Variants in BABAM2 observed in about 807,000 individuals in gnomAD.
BABAM2 encodes BRISC and BRCA1 A complex member 2, also known as BRISC and BRCA1-A complex member 2.
BABAM2 carries 31 observed loss-of-function variants against 54.7 expected under a neutral mutation model. That is an observed-to-expected ratio of 0.57 (90% confidence interval 0.43 to 0.77). The LOEUF is 0.77. Among genes scored for constraint, BABAM2 ranks in the 30% least tolerant of loss-of-function variants. The pLI, the probability that BABAM2 is intolerant of heterozygous loss-of-function variation, is 0.00. For synonymous variants in BABAM2, 167 were observed against 162.9 expected, an observed-to-expected ratio of 1.03 and a Z score of -0.19; for missense variants, 364 against 455.8, an observed-to-expected ratio of 0.80 and a Z score of 1.83.
chr2:28,161,265 T>C (rs10173507), intron 7 of BABAM2, among the ~76,000 whole-genome samples: 72,025 of 151,864 alleles, frequency 0.47, 17,631 homozygotes, highest in Middle Eastern at 0.59. Flanking sequence ...TTTGAGTTGC[T>C]TGTACCAACG....
intron 10 of BABAM2, among the ~76,000 whole-genome samples, chr2:28,251,989 G>A (rs572011026): frequency 1.1e-4 from 17 of 152,104 alleles, no homozygotes; most frequent in African/African-American, 3.1e-4. Context: ...TCAGGAGTTC[G>A]AGATCAGCCG....
rs544963651 is a variant in BABAM2, at chr2:27,906,180, G to C, written c.128+11496G>C. 1.1e-4 allele frequency among the ~76,000 whole-genome samples: 17 copies of C among 152,212 alleles called. No individual in the cohort carries two copies. The East Asian group carries it at 2.5e-3, about 22-fold the overall frequency. On this transcript the variant is annotated intron_variant, in intron 2 of 11. Coordinates refer to ENST00000379624, the MANE Select transcript of BABAM2 (RefSeq NM_199191.3). ...GTGCAAGAAGTTTGGCTGGAACTTT[G>C]GGTGTTTATCTAGGTACCAGAACAT...
chr2:28,224,532 A>G (rs1243402986), intron 7 of BABAM2, among the ~76,000 whole-genome samples: 1 of 152,152 alleles, frequency 6.6e-6, no homozygotes, highest in Non-Finnish European at 1.5e-5. Context: ...GATGCTTCGT[A>G]CTTCAGTTTG....
At chr2:28,274,794 C>A (rs1359555344) in intron 10 of BABAM2, among the ~76,000 whole-genome samples, 1 of 152,204 alleles carries the variant, frequency 6.6e-6, no homozygotes, top group Non-Finnish European at 1.5e-5. Context: ...TACAGTGTCC[C>A]TTTTCATCGT....
At chr2:28,071,264 C>T (rs1031251436) in intron 6 of BABAM2, among the ~76,000 whole-genome samples, 1 of 151,998 alleles carries the variant, frequency 6.6e-6, no homozygotes, top group African/African-American at 2.4e-5. Context: ...TTTATAGATT[C>T]CTCCTCTATT....
chr2:28,257,388 A>G (rs539879212), intron 10 of BABAM2, among the ~76,000 whole-genome samples: 1 of 152,236 alleles, frequency 6.6e-6, no homozygotes, highest in African/African-American at 2.4e-5. Flanking sequence ...GTAGCCACCG[A>G]CCACTTTCTG....
chr2:28,063,393 A>G (rs914121899), intron 6 of BABAM2, among the ~76,000 whole-genome samples: 6 of 152,264 alleles, frequency 3.9e-5, no homozygotes, highest in African/African-American at 7.2e-5. Flanking sequence ...TTAACGCATT[A>G]TACTCAAAAT....
At chr2:28,206,876 A>T (rs1411970390) in intron 7 of BABAM2, among the ~76,000 whole-genome samples, 2 of 152,210 alleles carry the variant, frequency 1.3e-5, no homozygotes, top group Non-Finnish European at 2.9e-5. Flanking sequence ...CCATTACAAC[A>T]ACTACTCCCC....
At chr2:27,972,760 T>C (rs912110394) in intron 3 of BABAM2, among the ~76,000 whole-genome samples, 1 of 138,738 alleles carries the variant, frequency 7.2e-6, no homozygotes, top group Non-Finnish European at 1.5e-5. Flanking sequence ...TTTATTATTA[T>C]TTTAATTATT....
chr2:28,026,971 A>AATATATATAAATAT (rs1200500932), intron 5 of BABAM2, among the ~76,000 whole-genome samples: 3 of 86,916 alleles, frequency 3.5e-5, no homozygotes, highest in East Asian at 2.6e-4. Flanking sequence ...TATATATATA[A>AATATATATAAATAT]ATATATAAAT....
intron 3 of BABAM2, among the ~76,000 whole-genome samples, chr2:27,934,803 A>C (rs755302750): frequency 6.6e-6 from 1 of 152,244 alleles, no homozygotes; most frequent in East Asian, 1.9e-4. Flanking sequence ...CCAAAGCCTA[A>C]TCAAGAACAA....
chr2:28,026,032 A>T (rs552326232), intron 5 of BABAM2, among the ~76,000 whole-genome samples: 1 of 152,284 alleles, frequency 6.6e-6, no homozygotes, highest in African/African-American at 2.4e-5. Flanking sequence ...TCACAATGAG[A>T]TACCATCTCA....
chr2:28,160,636 GT>G (rs1263447703), intron 7 of BABAM2, among the ~76,000 whole-genome samples: 3,293 of 138,164 alleles, frequency 0.024, 110 homozygotes, highest in African/African-American at 0.079. Flanking sequence ...AATATTTAAT[GT>G]TTTTTTTTTT....
intron 10 of BABAM2, among the ~76,000 whole-genome samples, chr2:28,272,476 C>G (rs905358542): frequency 1.3e-5 from 2 of 152,142 alleles, no homozygotes; most frequent in African/African-American, 4.8e-5. Context: ...AAGAGGAACG[C>G]GAACTGGCTC....
intron 3 of BABAM2, among the ~76,000 whole-genome samples, chr2:27,945,090 C>T (rs1352874094): frequency 2.0e-5 from 3 of 151,898 alleles, no homozygotes; most frequent in Non-Finnish European, 4.4e-5. Context: ...GCAATCATAG[C>T]TCACTGCAAC....
chr2:28,138,488 C>T (rs139780415), intron 7 of BABAM2, among the ~76,000 whole-genome samples: 4 of 152,218 alleles, frequency 2.6e-5, no homozygotes, highest in South Asian at 2.1e-4. Context: ...TGGAGAGTAA[C>T]GCACCTTCCC....
At chr2:28,331,544 C>T (rs1311618955) in intron 11 of BABAM2, among the ~76,000 whole-genome samples, 1 of 152,164 alleles carries the variant, frequency 6.6e-6, no homozygotes, top group East Asian at 1.9e-4. Flanking sequence ...GACATTTATG[C>T]AGCCAAGAAA....
At chr2:28,328,434 T>C (rs1279965619) in intron 11 of BABAM2, among the ~76,000 whole-genome samples, 1 of 152,216 alleles carries the variant, frequency 6.6e-6, no homozygotes, top group African/African-American at 2.4e-5. Flanking sequence ...ACTTGATTTA[T>C]GCCCTTGATT....
chr2:28,328,961 A>G lies in BABAM2; in HGVS notation c.1089-9489A>G, dbSNP rs79451600. Among the ~76,000 whole-genome samples, 819 of 152,308 alleles carry G rather than the reference A, an allele frequency of 5.4e-3. 10 individuals carry two copies. The highest frequency in any genetic ancestry group is 0.019 in the African/African-American group (786 of 41,574). ...TCAGACGTCTATTTTATGGATTTTT[A>G]TCCTTTTGAAAAGATCTATTGAATC... is the stretch of plus-strand genomic sequence containing the variant. On this transcript the variant is annotated intron_variant, in intron 11 of 11. Transcript: ENST00000379624.
Sources: gnomAD v4.1 joint callset for allele counts (sites outside exome capture counted in the v4.1 genomes callset) on GRCh38, gnomAD v4.1.1 for gene constraint, MANE v1.5 for transcripts, NCBI Gene and HGNC (gene_info 2026-07-23, HGNC 2026-07-21) for gene names.